The following IGFL2 variants were observed in gnomAD, a reference collection of about 807,000 sequenced individuals.
The protein encoded by IGFL2 is IGF like family member 2.
In IGFL2, 7 loss-of-function variants were observed where a neutral mutation model predicts 13.9. That is an observed-to-expected ratio of 0.51 (90% CI 0.29 to 0.95). The LOEUF is 0.95. Ranked by LOEUF, IGFL2 falls within the 40% of genes least tolerant of loss-of-function variation. IGFL2 has a pLI of 0.08. For synonymous variants in IGFL2, 55 were observed against 55.8 expected, an observed-to-expected ratio of 0.99 and a Z score of 0.07; for missense variants, 138 against 147.8, an observed-to-expected ratio of 0.93 and a Z score of 0.34.
chr19:46,132,161 C>G, the IGFL2 span, among the ~76,000 whole-genome samples: 3 of 152,166 alleles, frequency 2.0e-5, no homozygotes, highest in Admixed American at 2.0e-4. Flanking sequence ...GTCCAGAAGC[C>G]TGGCTGGTAA....
the IGFL2 span, among the ~76,000 whole-genome samples, chr19:46,089,740 A>G: frequency 6.6e-6 from 1 of 150,832 alleles, no homozygotes; most frequent in South Asian, 2.1e-4. Flanking sequence ...AAACTCCCTT[A>G]TATGTTATTT....
the IGFL2 span, among the ~76,000 whole-genome samples, chr19:46,129,809 TGTG>T: frequency 3.3e-5 from 5 of 152,284 alleles, no homozygotes; most frequent in South Asian, 2.1e-4. Context: ...ATGTGTGCCA[TGTG>T]GTGGTGAGAA....
At chr19:46,169,498 A>G in the IGFL2 span, among the ~76,000 whole-genome samples, 1 of 152,206 alleles carries the variant, frequency 6.6e-6, no homozygotes, top group Non-Finnish European at 1.5e-5. Flanking sequence ...AAATAAATAA[A>G]TCTGTATTGG....
chr19:46,175,663 C>T, the IGFL2 span, among the ~76,000 whole-genome samples: 7 of 151,802 alleles, frequency 4.6e-5, no homozygotes, highest in South Asian at 2.1e-4. Flanking sequence ...CTCAGCCTCC[C>T]GAGCAGCTGG....
chr19:46,193,287 T>C, the IGFL2 span, among the ~76,000 whole-genome samples: 2 of 152,172 alleles, frequency 1.3e-5, no homozygotes, highest in Non-Finnish European at 2.9e-5. Context: ...GTCGTCCCGC[T>C]CTGTCCTGCC....
At chr19:46,167,689 G>A in the IGFL2 span, among the ~76,000 whole-genome samples, 120 of 152,314 alleles carry the variant, frequency 7.9e-4, 2 homozygotes, top group Middle Eastern at 0.017. Context: ...CACTGTAGCT[G>A]TAATTGAATG....
the IGFL2 span, chr19:46,198,037 T>G: frequency 3.2e-5 from 3 of 93,984 alleles, no homozygotes; most frequent in Admixed American, 1.4e-4. Flanking sequence ...CTTCCTTCCT[T>G]CCTTCCTGCC....
the IGFL2 span, among the ~76,000 whole-genome samples, chr19:46,122,715 A>G: frequency 6.6e-6 from 1 of 151,002 alleles, no homozygotes; most frequent in African/African-American, 2.5e-5. Flanking sequence ...GCCCCAAAAA[A>G]CTGCAATGGT....
chr19:46,149,236 TTCTC>T (rs1201921334), intron 1 of IGFL2, among the ~76,000 whole-genome samples: 10 of 145,900 alleles, frequency 6.9e-5, no homozygotes, highest in East Asian at 6.1e-4. Flanking sequence ...TCTCTCCCTT[TTCTC>T]TCTCTCTCTC....
At chr19:46,137,001 A>C in the IGFL2 span, 5 of 1,566,194 alleles carry the variant, frequency 3.2e-6, no homozygotes, top group Non-Finnish European at 4.4e-6. Context: ...TGACTGGCAG[A>C]GAAAGGGACA....
At chr19:46,127,103 A>C in the IGFL2 span, among the ~76,000 whole-genome samples, 2 of 152,150 alleles carry the variant, frequency 1.3e-5, no homozygotes, top group African/African-American at 4.8e-5. Context: ...GCTGCAAAAT[A>C]GTCTGGGCAC....
At chr19:46,206,840 A>C in the IGFL2 span, 1 of 152,292 alleles carries the variant, frequency 6.6e-6, no homozygotes, top group East Asian at 1.9e-4. Context: ...GCAGAATGAG[A>C]AATGGGGTCG....
At chr19:46,142,420 A>G (rs1568418836), upstream of IGFL2, among the ~76,000 whole-genome samples, 1 of 152,260 alleles carries the variant, frequency 6.6e-6, no homozygotes, top group Non-Finnish European at 1.5e-5. Context: ...CGTGAAATAT[A>G]GCATTGAGAA....
At chr19:46,148,343 C>T (rs1973251963) in intron 1 of IGFL2, 46 bp downstream of exon 1, 1 of 1,480,124 alleles carries the variant, frequency 6.8e-7, no homozygotes, top group African/African-American at 1.4e-5. Context: ...TACTGTTATC[C>T]CTAATGTACC....
chr19:46,130,546 T>C, the IGFL2 span, among the ~76,000 whole-genome samples: 1 of 152,230 alleles, frequency 6.6e-6, no homozygotes, highest in African/African-American at 2.4e-5. Flanking sequence ...TCATTATGTT[T>C]ATAAACTGGT....
chr19:46,148,742 AAGG>A (rs1467255840), intron 1 of IGFL2: 1 of 835,406 alleles, frequency 1.2e-6, no homozygotes, highest in Non-Finnish European at 1.8e-6. Context: ...AGGGAGAAGA[AAGG>A]AGGGAGGATT....
chr19:46,102,774 A>C, the IGFL2 span, among the ~76,000 whole-genome samples: 1 of 152,210 alleles, frequency 6.6e-6, no homozygotes, highest in Non-Finnish European at 1.5e-5. Flanking sequence ...TCTTATATTA[A>C]TAAGAAAAAT....
At chr19:46,094,616 T>C in the IGFL2 span, among the ~76,000 whole-genome samples, 1 of 152,126 alleles carries the variant, frequency 6.6e-6, no homozygotes, top group African/African-American at 2.4e-5. Context: ...TTGCTGCACC[T>C]ATCAACCCAT....
the IGFL2 span, among the ~76,000 whole-genome samples, chr19:46,080,914 C>T: frequency 1.3e-5 from 2 of 152,222 alleles, no homozygotes; most frequent in African/African-American, 4.8e-5. Flanking sequence ...ACTTCCTGTC[C>T]AGGTGGACAC....
Sources: gnomAD v4.1 joint callset for allele counts (sites outside exome capture counted in the v4.1 genomes callset) on GRCh38, gnomAD v4.1.1 for gene constraint, MANE v1.5 for transcripts, NCBI Gene and HGNC (gene_info 2026-07-23, HGNC 2026-07-21) for gene names.